The following FBN3 variants were observed in gnomAD, a reference collection of about 807,000 sequenced individuals.
The protein encoded by FBN3 is fibrillin 3.
Under a neutral mutation model 330.1 loss-of-function variants are expected in FBN3, and 234 were observed. The ratio of observed to expected loss-of-function variants is 0.71; its 90% confidence interval spans 0.64 to 0.79. The LOEUF (loss-of-function observed/expected upper bound fraction) is 0.79, where lower values mean the gene tolerates loss of function less well. Ranked by LOEUF, FBN3 falls within the 30% of genes least tolerant of loss-of-function variation. The pLI is 0.00. For synonymous variants in FBN3, 1,458 were observed against 1,517.3 expected, an observed-to-expected ratio of 0.96 and a Z score of 0.91; for missense variants, 3,606 against 3,886.9, an observed-to-expected ratio of 0.93 and a Z score of 1.92.
chr19:8,120,622 C>G (rs140395524), intron 25 of FBN3, among the ~76,000 whole-genome samples: 1 of 152,030 alleles, frequency 6.6e-6, no homozygotes, highest in African/African-American at 2.4e-5. Flanking sequence ...CCGAGTAGCA[C>G]GCGCCACCAT....
intron 57 of FBN3, among the ~76,000 whole-genome samples, chr19:8,082,308 C>CCTGT (rs145765478): frequency 6.7e-6 from 1 of 150,266 alleles, no homozygotes; most frequent in Non-Finnish European, 1.5e-5. Context: ...TCTCTTTCTC[C>CCTGT]CTTTCTCTTT....
rs1234662187 is a variant in FBN3, at chr19:8,133,618, T to C, written c.1592-512A>G. 5.3e-5 allele frequency among the ~76,000 whole-genome samples: 8 copies of C among 151,916 alleles called. No individual in the cohort carries two copies. The South Asian group carries it at 1.7e-3, about 32-fold the overall frequency. On this transcript the variant is annotated intron_variant, in intron 13 of 63. Transcript: ENST00000600128. ...GGCATGTACCACCACGCCCGGCTAA[T>C]TGTTTTTGTATTTTTAGTAGAGACG...
intron 38 of FBN3, among the ~76,000 whole-genome samples, chr19:8,104,179 A>AC (rs1462482071): frequency 1.3e-5 from 2 of 151,736 alleles, no homozygotes; most frequent in Non-Finnish European, 2.9e-5. Flanking sequence ...AAAAAAAAAA[A>AC]AAAACATTTA....
intron 36 of FBN3, among the ~76,000 whole-genome samples, chr19:8,108,570 T>G (rs62126079): frequency 0.11 from 17,164 of 152,052 alleles, 1,287 homozygotes; most frequent in East Asian, 0.26. Context: ...CATATCCTAG[T>G]GTAACTGCAA....
chr19:8,069,004 C>CCAGAG (rs1478082736), intron 63 of FBN3, among the ~76,000 whole-genome samples: 1 of 152,072 alleles, frequency 6.6e-6, no homozygotes, highest in Admixed American at 6.6e-5. Context: ...ACATTGCGAC[C>CCAGAG]CAGAGCCCTA....
intron 13 of FBN3, among the ~76,000 whole-genome samples, chr19:8,135,248 C>T (rs116622055): frequency 0.012 from 1,787 of 151,792 alleles, 42 homozygotes; most frequent in African/African-American, 0.041. Context: ...ACTGGGATTA[C>T]AGTTGTGAGC....
chr19:8,067,600 C>T (rs1250448564), intron 63 of FBN3, among the ~76,000 whole-genome samples: 2 of 151,968 alleles, frequency 1.3e-5, no homozygotes, highest in African/African-American at 4.8e-5. Flanking sequence ...TGCACTCCAG[C>T]CTGGGTAACA....
At chr19:8,114,980 T>A (rs890925989) in intron 30 of FBN3, among the ~76,000 whole-genome samples, 1 of 152,154 alleles carries the variant, frequency 6.6e-6, no homozygotes, top group Non-Finnish European at 1.5e-5. Flanking sequence ...ATGATTCTCC[T>A]GCCCCAGCCT....
rs529832091 is a variant in FBN3, at chr19:8,148,092, T to C, written c.-17-595A>G. 1.1e-4 allele frequency among the ~76,000 whole-genome samples: 17 copies of C among 151,940 alleles called. No individual in the cohort carries two copies. The South Asian group carries it at 3.5e-3, about 32-fold the overall frequency. On this transcript the variant is annotated intron_variant, in intron 1 of 63. Coordinates refer to ENST00000600128, the MANE Select transcript of FBN3 (RefSeq NM_032447.5). ...GAGAGCGTCCAGGGTAGGAGGAAGA[T>C]GGTAAGTCGTGGAAGGCAACAACCC...
Position 8,075,305 on chromosome 19 carries a change from G to T in FBN3, c.7560C>A (p.Val2520=). The change falls in exon 60 of 64, where the codon GTC becomes GTA. Residue 2520 remains valine (V), a synonymous_variant. Coordinates refer to ENST00000600128, the MANE Select transcript of FBN3 (RefSeq NM_032447.5). ...TACCTTCACAGCCATGGCCTGAGCT[G>T]ACCAGGGTGAAGCCTTGGTGGCATT... The part of the protein sequence containing the change: ...RCECHQGFTL[V]SSGHGCEDVN... The T allele has an allele frequency of 1.2e-6, 2 of 1,614,058 alleles. No individual in the cohort carries two copies. The highest frequency in any genetic ancestry group is 2.2e-5 in the South Asian group (2 of 91,040).
In FBN3 at chr19:8,077,247, T is replaced by G. The variant is rs550777254; in HGVS notation, c.7454-1836A>C. ...GGTATACTGCATTTGAACTGGGATTTTGAGGAATGAACAACAAATTCCTGG... is the reference window on the plus strand; with the variant it reads ...GGTATACTGCATTTGAACTGGGATTGTGAGGAATGAACAACAAATTCCTGG... On this transcript the variant is annotated intron_variant, in intron 59 of 63. Transcript: ENST00000600128. Among the ~76,000 whole-genome samples, 3 of 152,306 alleles carry G rather than the reference T, an allele frequency of 2.0e-5. No homozygotes were observed. In the South Asian group the frequency reaches 6.2e-4, roughly 32 times the overall value.
chr19:8,103,612 C>T lies in FBN3; in HGVS notation c.4889G>A (p.Cys1630Tyr). 1 of 1,613,816 alleles carries T rather than the reference C, an allele frequency of 6.2e-7. No individual in the cohort carries two copies. Among genetic ancestry groups the T allele is most frequent in the East Asian group, 2.2e-5 (1 of 44,880 alleles). The part of the protein sequence containing the change: ...TCYNTLGNYT[C>Y]VCPAEYLQVN... The stretch of plus-strand genomic sequence containing the variant: ...TTGGAGGTACTCTGCAGGGCAGACA[C>T]AGGTGTAGTTCCCCAGGGTGTTGTA... The change falls in exon 39 of 64, where the codon TGT becomes TAT. Residue 1630 changes from cysteine to tyrosine, a missense_variant. Cys to Tyr is a radical substitution (Grantham distance 194). Transcript: ENST00000600128.
rs2144736205 is a variant in FBN3 at position 8,097,399 on chromosome 19, C to T, written c.5177G>A (p.Gly1726Glu). Residue 1726 changes from glycine to glutamate, a missense_variant, in exon 42 of 64, where the codon GGG (glycine) becomes GAG (glutamate). By Grantham distance (98) the Gly-to-Glu change is moderately conservative. Coordinates refer to ENST00000600128, the MANE Select transcript of FBN3 (RefSeq NM_032447.5). ...TGKPLDIDEC[G>E]EIPAICANGI... The stretch of plus-strand genomic sequence containing the variant: ...ATTGGCACAGATGGCGGGGATCTCC[C>T]CACACTCATCAATGTCTGCAGAAGG... The T allele has an allele frequency of 6.3e-7, 1 of 1,596,892 alleles. No homozygotes were observed. Among genetic ancestry groups the T allele is most frequent in the Non-Finnish European group, 8.6e-7 (1 of 1,165,814 alleles).
chr19:8,104,422 G>T (rs891816951), intron 38 of FBN3, among the ~76,000 whole-genome samples: 3 of 150,762 alleles, frequency 2.0e-5, no homozygotes, highest in African/African-American at 7.3e-5. Context: ...AGCAAGCTGT[G>T]ATTACACCAC....
At chr19:8,136,955 ACCTCCAACCTGGGGCCTGGATC>A (rs1413377905) in intron 10 of FBN3, among the ~76,000 whole-genome samples, 3 of 62,374 alleles carry the variant, frequency 4.8e-5, no homozygotes, top group African/African-American at 9.0e-5. Context: ...GGGTCTAGAT[ACCTCCAACCTGGGGCCTGGATC>A]CCTCCAACCT....
intron 34 of FBN3, among the ~76,000 whole-genome samples, chr19:8,110,551 TG>T (rs2082554251): frequency 3.3e-5 from 5 of 152,222 alleles, no homozygotes; most frequent in Non-Finnish European, 7.3e-5. Context: ...AGAGACTGAC[TG>T]TGTGGCCTGC....
chr19:8,113,674 A>G (rs2144842945), intron 30 of FBN3, among the ~76,000 whole-genome samples: 1 of 152,048 alleles, frequency 6.6e-6, no homozygotes, highest in East Asian at 1.9e-4. Flanking sequence ...ACACCACTGC[A>G]CTATAGCCTG....
At position 8,136,393 on chromosome 19, in the gene FBN3, C is replaced by T; in HGVS notation, c.1340G>A (p.Cys447Tyr). 1 of 1,613,736 alleles carries T rather than the reference C, an allele frequency of 6.2e-7. No individual in the cohort carries two copies. The highest frequency in any genetic ancestry group is 1.7e-4 in the Middle Eastern group (1 of 6,060). The change falls in exon 11 of 64, where the codon TGC becomes TAC. Residue 447 changes from cysteine (C) to tyrosine (Y), a missense_variant. By Grantham distance (194) the Cys-to-Tyr change is radical (BLOSUM62 -2). Coordinates refer to ENST00000600128, the MANE Select transcript of FBN3 (RefSeq NM_032447.5). ...VGYTQDVRGE[C>Y]IDVDECTSSP... ...TCCACCTGGCCGCGGCTCACCAATGCACTCGCCGCGCACGTCCTGGGTGTA... is the reference window on the plus strand; with the variant it reads ...TCCACCTGGCCGCGGCTCACCAATGTACTCGCCGCGCACGTCCTGGGTGTA...
chr19:8,085,649 G>T (rs1032424116), intron 55 of FBN3, 80 bp from the exon 56 acceptor site: 2 of 1,181,506 alleles, frequency 1.7e-6, no homozygotes, highest in African/African-American at 1.6e-5. Context: ...TTTGGGGCAA[G>T]CTGTATTTTG....
Sources: gnomAD v4.1 joint callset for allele counts (sites outside exome capture counted in the v4.1 genomes callset) on GRCh38, gnomAD v4.1.1 for gene constraint, MANE v1.5 for transcripts, NCBI Gene and HGNC (gene_info 2026-07-23, HGNC 2026-07-21) for gene names.